Variants in RASGRF2 observed in about 807,000 individuals in gnomAD.
RASGRF2 encodes ras-specific guanine nucleotide-releasing factor 2.
RASGRF2 carries 76 observed loss-of-function variants against 151.0 expected under a neutral mutation model. The ratio of observed to expected loss-of-function variants is 0.50; its 90% CI spans 0.42 to 0.61. The LOEUF (loss-of-function observed/expected upper bound fraction) is 0.61. Ranked by LOEUF, RASGRF2 falls within the 20% of genes least tolerant of loss-of-function variation. The pLI is 0.00. For missense variants in RASGRF2, 1,148 were observed against 1,564.6 expected, an observed-to-expected ratio of 0.73 and a Z score of 4.49; for synonymous variants, 504 against 566.5, an observed-to-expected ratio of 0.89 and a Z score of 1.57.
At chr5:81,183,246 C>T in intron 18 of RASGRF2, 1 of 979,412 alleles carries the variant, frequency 1.0e-6, no homozygotes. Context: ...TGTAGATTTA[C>T]CCACAGATCT....
At chr5:81,013,444 T>C (rs1156553601) in intron 1 of RASGRF2, among the ~76,000 whole-genome samples, 2 of 152,196 alleles carry the variant, frequency 1.3e-5, no homozygotes, top group Admixed American at 1.3e-4. Context: ...GCTTGACTTG[T>C]GGCTGTGCCA....
chr5:81,140,285 C>G (rs999543479), intron 17 of RASGRF2, among the ~76,000 whole-genome samples: 4 of 151,862 alleles, frequency 2.6e-5, no homozygotes, highest in Non-Finnish European at 5.9e-5. Context: ...TTTGTTTTTT[C>G]CTACTGGAGG....
intron 18 of RASGRF2, among the ~76,000 whole-genome samples, chr5:81,185,429 G>C (rs943495913): frequency 1.3e-5 from 2 of 152,180 alleles, no homozygotes; most frequent in Non-Finnish European, 2.9e-5. Flanking sequence ...GGACGGCCTG[G>C]AGGGGTGACG....
At chr5:81,191,572 C>T (rs550719617) in intron 18 of RASGRF2, among the ~76,000 whole-genome samples, 1 of 152,204 alleles carries the variant, frequency 6.6e-6, no homozygotes, top group Admixed American at 6.5e-5. Context: ...TAAAAGGATG[C>T]CCTTCCAGAC....
At chr5:81,022,628 C>T (rs1462630290) in intron 1 of RASGRF2, among the ~76,000 whole-genome samples, 1 of 152,134 alleles carries the variant, frequency 6.6e-6, no homozygotes, top group South Asian at 2.1e-4. Context: ...TCCCTGCCTC[C>T]CTCTGTTTTC....
intron 17 of RASGRF2, among the ~76,000 whole-genome samples, chr5:81,177,261 A>AACAAG (rs1754796428): frequency 6.6e-6 from 1 of 152,182 alleles, no homozygotes; most frequent in Admixed American, 6.5e-5. Flanking sequence ...TTAATAACAA[A>AACAAG]AGATTTTTTT....
chr5:81,100,394 C>T (rs1752669586), intron 12 of RASGRF2, among the ~76,000 whole-genome samples: 1 of 152,038 alleles, frequency 6.6e-6, no homozygotes, highest in African/African-American at 2.4e-5. Flanking sequence ...TGCCAGGTCT[C>T]TCTCTCTCTG....
At chr5:81,061,596 A>C (rs252588) in intron 2 of RASGRF2, among the ~76,000 whole-genome samples, 101,401 of 151,232 alleles carry the variant, frequency 0.67, 34,911 homozygotes, top group Non-Finnish European at 0.76. Context: ...CAGCTTCAAA[A>C]TCCTGGGCTC....
At chr5:81,180,145 C>A in intron 17 of RASGRF2, 30 bp from the exon 18 acceptor site, 1 of 1,370,362 alleles carries the variant, frequency 7.3e-7, no homozygotes, top group Non-Finnish European at 1.0e-6. Context: ...GCTTTAACTG[C>A]AACACGTGTG....
chr5:81,112,650 T>G lies in RASGRF2; in HGVS notation c.1879T>G (p.Phe627Val), dbSNP rs757720954. Residue 627 changes from phenylalanine (F) to valine (V), a missense_variant, in exon 14 of 27, where the codon TTC becomes GTC. Physicochemically the swap from Phe to Val is conservative, Grantham distance 50. Coordinates refer to ENST00000265080, the MANE Select transcript of RASGRF2 (RefSeq NM_006909.3). ...TCATAAAGACGACACTGACATTTGC[T>G]TCAGTAAAACACTCAACTCCTGCAA... ...RLHKDDTDIC[F>V]SKTLNSCKVP... 6.2e-7 allele frequency: 1 copy of G among 1,614,188 alleles called. No individual in the cohort carries two copies. The highest frequency in any genetic ancestry group is 8.5e-7 in the Non-Finnish European group (1 of 1,180,022).
chr5:81,073,534 G>C (rs1431365020), intron 5 of RASGRF2, 82 bp downstream of exon 5: 1 of 1,420,374 alleles, frequency 7.0e-7, no homozygotes, highest in Non-Finnish European at 9.4e-7. Context: ...TCTTTAAAAG[G>C]GTCTCATAAA....
intron 17 of RASGRF2, among the ~76,000 whole-genome samples, chr5:81,169,835 T>TAC (rs1324480912): frequency 1.1e-3 from 68 of 59,548 alleles, no homozygotes; most frequent in Middle Eastern, 0.01. Flanking sequence ...ATCACCTGCA[T>TAC]CACTTGCATC....
At chr5:81,222,796 C>T (rs1378987866) in intron 26 of RASGRF2, among the ~76,000 whole-genome samples, 1 of 151,992 alleles carries the variant, frequency 6.6e-6, no homozygotes, top group Non-Finnish European at 1.5e-5. Context: ...AAAAATTCAC[C>T]ACGGCAATGA....
intron 1 of RASGRF2, among the ~76,000 whole-genome samples, chr5:80,977,589 T>G (rs938993230): frequency 4.6e-5 from 7 of 152,108 alleles, no homozygotes; most frequent in African/African-American, 1.7e-4. Flanking sequence ...CTAGAGTAGC[T>G]GGGATTACAG....
At chr5:81,055,702 A>G (rs1751180757) in intron 2 of RASGRF2, among the ~76,000 whole-genome samples, 2 of 152,160 alleles carry the variant, frequency 1.3e-5, no homozygotes, top group Admixed American at 1.3e-4. Context: ...TTCAGAAGGA[A>G]TGGTACCAGC....
intron 1 of RASGRF2, among the ~76,000 whole-genome samples, chr5:80,961,378 G>T (rs1317517974): frequency 6.6e-6 from 1 of 152,218 alleles, no homozygotes; most frequent in Non-Finnish European, 1.5e-5. Context: ...ATTGACACCT[G>T]TTGGGTGTAG....
intron 2 of RASGRF2, among the ~76,000 whole-genome samples, chr5:81,049,461 T>G (rs1750940570): frequency 2.6e-5 from 4 of 152,212 alleles, no homozygotes; most frequent in African/African-American, 9.6e-5. Context: ...TTTTCATTCC[T>G]TTTGTTTACG....
intron 17 of RASGRF2, among the ~76,000 whole-genome samples, chr5:81,161,705 C>T (rs1300830903): frequency 6.6e-6 from 1 of 152,000 alleles, no homozygotes; most frequent in Non-Finnish European, 1.5e-5. Flanking sequence ...ATTGTTTGTC[C>T]CTAGTGTAGC....
intron 18 of RASGRF2, among the ~76,000 whole-genome samples, chr5:81,190,166 C>T (rs1330906114): frequency 6.6e-6 from 1 of 152,198 alleles, no homozygotes; most frequent in African/African-American, 2.4e-5. Context: ...CCCATGACAG[C>T]CGCCCAAATG....
Sources: allele counts gnomAD v4.1 joint callset (sites outside exome capture counted in the v4.1 genomes callset), GRCh38; gene constraint gnomAD v4.1.1; transcripts MANE v1.5; gene names NCBI Gene and HGNC (gene_info 2026-07-23, HGNC 2026-07-21).